The following SGCZ variants were observed in gnomAD, a reference collection of about 807,000 sequenced individuals.
The protein encoded by SGCZ is zeta-sarcoglycan.
A neutral mutation model predicts 41.3 loss-of-function variants in SGCZ; 40 were observed. That is an observed-to-expected ratio of 0.97 (90% CI 0.75 to 1.26). The LOEUF is 1.26. Ranked by LOEUF, SGCZ falls within the 50% of genes most tolerant of loss-of-function variation. The pLI is 0.00. For missense variants in SGCZ, 552 were observed against 369.8 expected (o/e 1.49, Z -4.04); for synonymous variants, 206 against 137.5 (o/e 1.50, Z -3.49).
intron 3 of SGCZ, chr8:14,309,750 C>G (rs1276502414): frequency 6.3e-7 from 1 of 1,581,172 alleles, no homozygotes; most frequent in African/African-American, 1.3e-5. Context: ...AAAGCCTCTT[C>G]AAAAAGCAGA....
At chr8:14,589,061 A>T (rs1028994085) in intron 1 of SGCZ, among the ~76,000 whole-genome samples, 1 of 152,172 alleles carries the variant, frequency 6.6e-6, no homozygotes, top group Non-Finnish European at 1.5e-5. Context: ...ACCTTTGTTC[A>T]ATGTAGCACA....
At chr8:14,435,615 ATAATAT>A (rs1288195173) in intron 2 of SGCZ, among the ~76,000 whole-genome samples, 1 of 152,230 alleles carries the variant, frequency 6.6e-6, no homozygotes, top group East Asian at 1.9e-4. Flanking sequence ...CTACAATACT[ATAATAT>A]ATATGTACAG....
intron 1 of SGCZ, among the ~76,000 whole-genome samples, chr8:15,066,315 CA>C (rs34127345): frequency 0.57 from 61,223 of 106,836 alleles, 16,778 homozygotes; most frequent in East Asian, 0.74. Context: ...ACTCCGTCTC[CA>C]AAAAAAAAAA....
intron 2 of SGCZ, among the ~76,000 whole-genome samples, chr8:14,543,906 A>G (rs778913719): frequency 4.0e-4 from 61 of 152,150 alleles, no homozygotes; most frequent in Non-Finnish European, 2.6e-4. Context: ...GAAAGACAAG[A>G]TGAATTACTG....
chr8:14,744,324 C>T (rs1799282656), intron 1 of SGCZ, among the ~76,000 whole-genome samples: 1 of 152,100 alleles, frequency 6.6e-6, no homozygotes. Flanking sequence ...TACAGCTGAT[C>T]CTTCTGTTTG....
intron 4 of SGCZ, among the ~76,000 whole-genome samples, chr8:14,200,238 C>T (rs1319489881): frequency 6.6e-6 from 1 of 152,136 alleles, no homozygotes; most frequent in East Asian, 1.9e-4. Context: ...GTGGGATAGA[C>T]TGTGTTCATG....
At chr8:14,881,817 C>T (rs756986345) in intron 1 of SGCZ, among the ~76,000 whole-genome samples, 1 of 152,154 alleles carries the variant, frequency 6.6e-6, no homozygotes, top group East Asian at 1.9e-4. Flanking sequence ...TAAAGTTGAT[C>T]ACGCAATTGG....
At chr8:14,387,311 C>T (rs184303035) in intron 2 of SGCZ, among the ~76,000 whole-genome samples, 55 of 152,234 alleles carry the variant, frequency 3.6e-4, no homozygotes, top group African/African-American at 1.3e-3. Context: ...CCTGGTCTCC[C>T]AAAGCACTGA....
At chr8:15,205,632 G>C (rs567140811) in intron 1 of SGCZ, among the ~76,000 whole-genome samples, 25 of 152,166 alleles carry the variant, frequency 1.6e-4, no homozygotes, top group African/African-American at 6.0e-4. Context: ...GTGGAGAAAA[G>C]GGAACGCGTA....
chr8:14,754,356 C>T (rs1799591552), intron 1 of SGCZ, among the ~76,000 whole-genome samples: 2 of 152,166 alleles, frequency 1.3e-5, no homozygotes, highest in African/African-American at 4.8e-5. Context: ...TTCAACCTCT[C>T]TCTGTTTTTC....
At chr8:14,860,186 C>CTT (rs112546263) in intron 1 of SGCZ, among the ~76,000 whole-genome samples, 3,513 of 150,384 alleles carry the variant, frequency 0.023, 131 homozygotes, top group African/African-American at 0.082. Context: ...TACACAAAGT[C>CTT]TTTTTTTTTG....
intron 1 of SGCZ, among the ~76,000 whole-genome samples, chr8:14,875,820 A>T (rs1355817288): frequency 6.6e-6 from 1 of 152,166 alleles, no homozygotes; most frequent in Non-Finnish European, 1.5e-5. Flanking sequence ...TGAATAGATG[A>T]TTTCACATCT....
At chr8:14,947,388 C>T (rs900395797) in intron 1 of SGCZ, among the ~76,000 whole-genome samples, 5 of 152,058 alleles carry the variant, frequency 3.3e-5, no homozygotes, top group Non-Finnish European at 5.9e-5. Flanking sequence ...TTGATTGGAT[C>T]TTTTTTATTT....
At chr8:15,200,050 T>A (rs144443535) in intron 1 of SGCZ, among the ~76,000 whole-genome samples, 6 of 152,332 alleles carry the variant, frequency 3.9e-5, no homozygotes, top group Admixed American at 1.3e-4. Context: ...CAAAGTTAGG[T>A]ATACGAATTT....
At chr8:15,148,513 C>A (rs1271762180) in intron 1 of SGCZ, among the ~76,000 whole-genome samples, 1 of 152,158 alleles carries the variant, frequency 6.6e-6, no homozygotes, top group Middle Eastern at 3.2e-3. Context: ...CAGCCTTTTC[C>A]GGAGTCATAG....
intron 5 of SGCZ, among the ~76,000 whole-genome samples, chr8:14,131,504 T>G (rs1389425495): frequency 6.6e-6 from 1 of 152,204 alleles, no homozygotes; most frequent in African/African-American, 2.4e-5. Context: ...ATTATTGATC[T>G]TATTGAGAAT....
chr8:14,229,904 T>A (rs1393201891), intron 4 of SGCZ, among the ~76,000 whole-genome samples: 1 of 152,090 alleles, frequency 6.6e-6, no homozygotes, highest in East Asian at 1.9e-4. Context: ...CTAACAAAAA[T>A]AAGCCGATTG....
At chr8:15,167,291 G>C (rs1400249400) in intron 1 of SGCZ, among the ~76,000 whole-genome samples, 1 of 152,200 alleles carries the variant, frequency 6.6e-6, no homozygotes, top group Non-Finnish European at 1.5e-5. Context: ...TCCCTTTAAG[G>C]TGTCAATCTA....
At chr8:14,506,668 C>T (rs1254818624) in intron 2 of SGCZ, among the ~76,000 whole-genome samples, 1 of 152,180 alleles carries the variant, frequency 6.6e-6, no homozygotes, top group Non-Finnish European at 1.5e-5. Context: ...GCTTTGCCTG[C>T]CCTTCCCCAT....
Sources: gnomAD v4.1 joint callset for allele counts (sites outside exome capture counted in the v4.1 genomes callset) on GRCh38, gnomAD v4.1.1 for gene constraint, MANE v1.5 for transcripts, NCBI Gene and HGNC (gene_info 2026-07-23, HGNC 2026-07-21) for gene names.